Variants in SUGP2 observed in about 807,000 individuals in gnomAD.
SUGP2 encodes the protein SURP and G-patch domain-containing protein 2.
Under a neutral mutation model 90.5 loss-of-function variants are expected in SUGP2, and 24 were observed. The ratio of observed to expected loss-of-function variants is 0.27; its 90% confidence interval spans 0.19 to 0.37. The LOEUF (loss-of-function observed/expected upper bound fraction) is 0.37, where lower values mean the gene tolerates loss of function less well. Among genes scored for constraint, SUGP2 ranks in the 10% least tolerant of loss-of-function variants. The pLI is 1.00. For synonymous variants in SUGP2, 473 were observed against 513.4 expected, an observed-to-expected ratio of 0.92 and a Z score of 1.06; for missense variants, 1,233 against 1,363.3, an observed-to-expected ratio of 0.90 and a Z score of 1.51.
At chr19:19,026,302 C>T (rs1000254854) in intron 2 of SUGP2, 76 bp from the exon 3 acceptor site, 17 of 1,396,744 alleles carry the variant, frequency 1.2e-5, no homozygotes, top group Non-Finnish European at 1.5e-5. Context: ...ACAGTGCAAA[C>T]AAACAGTCCA....
intron 8 of SUGP2, among the ~76,000 whole-genome samples, chr19:18,998,651 TTG>T (rs921540243): frequency 6.6e-6 from 1 of 151,962 alleles, no homozygotes; most frequent in Non-Finnish European, 1.5e-5. Flanking sequence ...TGTGTGTATC[TTG>T]TGTGTGTGCG....
intron 4 of SUGP2, among the ~76,000 whole-genome samples, chr19:19,011,982 A>T (rs931621954): frequency 6.6e-6 from 1 of 152,248 alleles, no homozygotes; most frequent in Admixed American, 6.5e-5. Context: ...AAGTAGCGAC[A>T]TATCAGTTAT....
chr19:19,018,041 C>T (rs148603360), intron 4 of SUGP2, among the ~76,000 whole-genome samples: 3,470 of 150,658 alleles, frequency 0.023, 129 homozygotes, highest in African/African-American at 0.08. Flanking sequence ...GTCAGGAGTT[C>T]GAGACCAACC....
chr19:19,026,082 G>T lies in SUGP2; in HGVS notation c.266C>A (p.Ser89Tyr), dbSNP rs774512967. Residue 89 changes from serine to tyrosine, a missense_variant, in exon 3 of 11, where the codon TCC becomes TAC. By Grantham distance (144) the Ser-to-Tyr change is moderately radical. Around this residue, in one of 8 missense-constraint regions of SUGP2, gnomAD observed 418 missense variants for 399.9 expected, o/e 1.05. Coordinates refer to ENST00000452918, the MANE Select transcript of SUGP2 (RefSeq NM_001017392.5). ...GLRSDVFPGP[S>Y]FRSSNPSISD... The stretch of plus-strand genomic sequence containing the variant: ...GATGGAAGGGTTGCTTGATCTGAAG[G>T]AAGGCCCTGGAAATACGTCACTTCT... 2.5e-6 allele frequency: 4 copies of T among 1,614,080 alleles called. No individual in the cohort carries two copies. Among genetic ancestry groups the T allele is most frequent in the Non-Finnish European group, 3.4e-6 (4 of 1,180,026 alleles).
rs779824946 is a variant in SUGP2 at position 19,024,684 on chromosome 19, T to G, written c.1664A>C (p.Glu555Ala). 8 of 1,614,064 alleles carry G rather than the reference T, an allele frequency of 5.0e-6. No individual in the cohort carries two copies. The East Asian group carries it at 1.3e-4, about 27-fold the overall frequency. Reference sequence around the variant, plus strand: ...TTTCGTAGGAGGAATCATTTTCTCCTCCTCTCGCATCGGCTCTGGTTCGGC... The same window carrying G: ...TTTCGTAGGAGGAATCATTTTCTCCGCCTCTCGCATCGGCTCTGGTTCGGC... ...KKAEPEPMRE[E>A]EKMIPPTKPE... Residue 555 changes from glutamate to alanine, a missense_variant, in exon 3 of 11, where the codon GAG (glutamate) becomes GCG (alanine). By Grantham distance (107) the Glu-to-Ala change is moderately radical. This residue lies in a region of SUGP2 where 540 missense variants were observed against 542.6 expected (regional missense o/e 1.00). Transcript: ENST00000452918.
chr19:19,011,102 G>T (rs954153667), intron 4 of SUGP2, among the ~76,000 whole-genome samples: 4 of 150,974 alleles, frequency 2.6e-5, no homozygotes, highest in East Asian at 2.0e-4. Flanking sequence ...TTGCACCACT[G>T]CACTCCAGTC....
Position 19,025,829 on chromosome 19 carries a change from A to C in SUGP2, c.519T>G (p.Phe173Leu), listed in dbSNP as rs1409649952. Residue 173 changes from phenylalanine to leucine, a missense_variant, in exon 3 of 11, where the codon TTT (phenylalanine) becomes TTG (leucine). Phe to Leu is a conservative substitution (Grantham distance 22, BLOSUM62 0). Transcript: ENST00000452918. ...CTTTCTCAATCAGCCTGGAAGATCC[A>C]AAGTCCCCCAAAACTGCAGAGGGAC... is the stretch of plus-strand genomic sequence containing the variant. ...SFGPSAVLGD[F>L]GSSRLIEKEC... is the part of the protein sequence containing the mutation. 6.2e-7 allele frequency: 1 copy of C among 1,614,118 alleles called. No individual in the cohort carries two copies. The highest frequency in any genetic ancestry group is 8.5e-7 in the Non-Finnish European group (1 of 1,180,026).
At chr19:19,020,602 TAC>T (rs1339482490) in intron 3 of SUGP2, among the ~76,000 whole-genome samples, 3 of 151,408 alleles carry the variant, frequency 2.0e-5, no homozygotes, top group Non-Finnish European at 2.9e-5. Context: ...CGCCACCACG[TAC>T]AGCTTTATTT....
rs79301666 is a variant in SUGP2 at position 19,032,299 on chromosome 19, C to T, written c.-12+1138G>A. 0.012 allele frequency among the ~76,000 whole-genome samples: 1,793 copies of T among 152,002 alleles called. 125 individuals are homozygous for T. In the East Asian group the frequency reaches 0.2, roughly 17 times the overall value. On this transcript the variant is annotated intron_variant, in intron 1 of 10. Coordinates refer to ENST00000452918, the MANE Select transcript of SUGP2 (RefSeq NM_001017392.5). Reference sequence around the variant, plus strand: ...TCAGCCTCCTGAGTAGCTGGGATTACAGGAGTCCGCCACCGCATCCGACTA... The same window carrying T: ...TCAGCCTCCTGAGTAGCTGGGATTATAGGAGTCCGCCACCGCATCCGACTA...
Position 19,033,470 on chromosome 19 carries a change from G to A in SUGP2, c.-45C>T, listed in dbSNP as rs749175322. 80 of 1,401,660 alleles carry A rather than the reference G, an allele frequency of 5.7e-5. No homozygotes were observed. In the East Asian group the frequency reaches 1.6e-3, roughly 29 times the overall value. 86.8% of individuals were successfully genotyped at this position (1,401,660 alleles called of 1,614,324 possible). ...CACCGCGCGCGGAGCCACCCCCGCCGCCGCCTCAGGCTCCTCACCCGCCGC... is the reference window on the plus strand; with the variant it reads ...CACCGCGCGCGGAGCCACCCCCGCCACCGCCTCAGGCTCCTCACCCGCCGC... On this transcript the variant is annotated 5_prime_UTR_variant, in exon 1 of 11. Transcript: ENST00000452918.
intron 4 of SUGP2, among the ~76,000 whole-genome samples, chr19:19,010,698 C>T (rs1285589033): frequency 7.9e-5 from 12 of 152,214 alleles, no homozygotes; most frequent in Non-Finnish European, 4.4e-5. Context: ...AGGATGAGTG[C>T]TCGGTGAGCT....
chr19:19,016,178 G>A (rs1167801055), intron 4 of SUGP2, among the ~76,000 whole-genome samples: 2 of 152,056 alleles, frequency 1.3e-5, no homozygotes, highest in Non-Finnish European at 2.9e-5. Flanking sequence ...ACAGGCACCC[G>A]CCACCAGGCC....
At chr19:19,008,062 G>A (rs1247933648) in intron 6 of SUGP2, among the ~76,000 whole-genome samples, 1 of 152,066 alleles carries the variant, frequency 6.6e-6, no homozygotes, top group Non-Finnish European at 1.5e-5. Context: ...ACTTACTCCT[G>A]GTATAACCCC....
chr19:19,025,692 A>G lies in SUGP2; in HGVS notation c.656T>C (p.Val219Ala), dbSNP rs143818323. Residue 219 changes from valine (V) to alanine (A), a missense_variant, in exon 3 of 11, where the codon GTT (valine) becomes GCT (alanine). By Grantham distance (64) the Val-to-Ala change is moderately conservative. Transcript: ENST00000452918. ...VQARGRALNI[V>A]DQEGSLLGKG... ...TCCTAGGAGGGAACCTTCCTGGTCA[A>G]CGATGTTTAGAGCTCGACCTCTGGC... is the stretch of plus-strand genomic sequence containing the variant. 1.7e-3 allele frequency: 2,750 copies of G among 1,614,036 alleles called. 6 individuals are homozygous for G. Among genetic ancestry groups the G allele is most frequent in the Non-Finnish European group, 1.8e-3 (2,123 of 1,180,002 alleles).
chr19:18,995,698 C>A (rs1376386110), intron 8 of SUGP2, among the ~76,000 whole-genome samples: 1 of 152,088 alleles, frequency 6.6e-6, no homozygotes, highest in African/African-American at 2.4e-5. Flanking sequence ...AGGATGGGGG[C>A]CAGACAGTGG....
chr19:19,024,097 C>T (rs117598977), intron 3 of SUGP2, among the ~76,000 whole-genome samples: 1 of 152,066 alleles, frequency 6.6e-6, no homozygotes, highest in African/African-American at 2.4e-5. Flanking sequence ...AGGTATTTGA[C>T]CTAAAAATGT....
chr19:19,014,032 C>T (rs1206731617), intron 4 of SUGP2, among the ~76,000 whole-genome samples: 2 of 152,144 alleles, frequency 1.3e-5, no homozygotes, highest in South Asian at 4.1e-4. Context: ...TTGCTCTTGT[C>T]GCCCAGGCTG....
In SUGP2 at chr19:19,005,866, CA is replaced by C. The variant is rs1394874816; in HGVS notation, c.2451-1221del. Among the ~76,000 whole-genome samples the C allele has an allele frequency of 1.0e-2, 130 of 13,016 alleles. 1 individual carries two copies. Among genetic ancestry groups the C allele is most frequent in the Admixed American group, 0.017 (18 of 1,084 alleles). The allele number at this position is 13,016 out of a possible 152,430, so 8.5% of individuals were successfully genotyped here. ...ACAAACACACACACACACACACACA[CA>C]CACACACACACACACACACACACAC... On this transcript the variant is annotated intron_variant, in intron 6 of 10. Coordinates refer to ENST00000452918, the MANE Select transcript of SUGP2 (RefSeq NM_001017392.5).
chr19:19,008,483 T>TA, intron 5 of SUGP2, 55 bp from the exon 6 acceptor site: 1 of 1,395,554 alleles, frequency 7.2e-7, no homozygotes, highest in Non-Finnish European at 1.0e-6. Flanking sequence ...GCTCCCCGTG[T>TA]AAACACTGCA....
Sources: allele counts gnomAD v4.1 joint callset (sites outside exome capture counted in the v4.1 genomes callset), GRCh38; gene constraint gnomAD v4.1.1; regional missense constraint gnomAD v4.1.1; transcripts MANE v1.5; gene names NCBI Gene and HGNC (gene_info 2026-07-23, HGNC 2026-07-21).